Variants in LUZP2 observed in about 807,000 individuals in gnomAD.
LUZP2 encodes leucine zipper protein 2.
A neutral mutation model predicts 51.6 loss-of-function variants in LUZP2; 52 were observed. The observed-to-expected ratio is 1.01, with a 90% CI of 0.81 to 1.27. The LOEUF (loss-of-function observed/expected upper bound fraction) is 1.27. LUZP2 is among the 50% of genes most tolerant of loss of function. LUZP2 has a pLI of 0.00. For missense variants in LUZP2, 436 were observed against 395.4 expected (o/e 1.10, Z -0.87); for synonymous variants, 154 against 137.3 (o/e 1.12, Z -0.85).
intron 1 of LUZP2, among the ~76,000 whole-genome samples, chr11:24,562,390 A>G (rs1273863042): frequency 6.6e-6 from 1 of 151,994 alleles, no homozygotes; most frequent in Non-Finnish European, 1.5e-5. Context: ...CTTGTTTGAT[A>G]AGAAAGGCAC....
chr11:24,911,891 G>A (rs1428854646), intron 6 of LUZP2, among the ~76,000 whole-genome samples: 1 of 152,106 alleles, frequency 6.6e-6, no homozygotes. Flanking sequence ...TGGCAACTAG[G>A]TAGACTCAAT....
At chr11:24,627,515 A>C (rs2133919104) in intron 1 of LUZP2, among the ~76,000 whole-genome samples, 1 of 152,318 alleles carries the variant, frequency 6.6e-6, no homozygotes, top group Middle Eastern at 3.4e-3. Flanking sequence ...AACTATTATA[A>C]CCGACTTTCT....
At chr11:24,905,573 C>G (rs559306880) in intron 5 of LUZP2, among the ~76,000 whole-genome samples, 1 of 152,186 alleles carries the variant, frequency 6.6e-6, no homozygotes, top group South Asian at 2.1e-4. Context: ...AAACTGCGCT[C>G]TAGACCAAAT....
chr11:25,050,143 T>C lies in LUZP2; in HGVS notation c.858+13T>C. Reference sequence around the variant, plus strand: ...TGACTCTCAAGATGTAAGAAAAACTTAAGATGCTTTTTACAGTATTAGACA... The same window carrying C: ...TGACTCTCAAGATGTAAGAAAAACTCAAGATGCTTTTTACAGTATTAGACA... On this transcript the variant is annotated intron_variant, in intron 10 of 11. Coordinates refer to ENST00000336930, the MANE Select transcript of LUZP2 (RefSeq NM_001009909.4). The C allele has an allele frequency of 6.5e-7, 1 of 1,539,860 alleles. No homozygotes were observed. The highest frequency in any genetic ancestry group is 8.9e-7 in the Non-Finnish European group (1 of 1,125,682).
At chr11:24,604,338 T>C (rs756911476) in intron 1 of LUZP2, among the ~76,000 whole-genome samples, 2 of 151,884 alleles carry the variant, frequency 1.3e-5, no homozygotes, top group Non-Finnish European at 2.9e-5. Flanking sequence ...AGATATAATA[T>C]GATCCAAGTT....
chr11:24,857,291 A>C (rs1353805971), intron 5 of LUZP2, among the ~76,000 whole-genome samples: 1 of 41,202 alleles, frequency 2.4e-5, no homozygotes, highest in Non-Finnish European at 4.4e-5. Context: ...ATATATATAC[A>C]TATATATATA....
intron 1 of LUZP2, among the ~76,000 whole-genome samples, chr11:24,723,314 T>C (rs1858347336): frequency 6.6e-6 from 1 of 152,204 alleles, no homozygotes; most frequent in Admixed American, 6.5e-5. Context: ...TTGGCTGTTA[T>C]TTGCTAAAGT....
chr11:24,797,223 A>G (rs1849571624), intron 5 of LUZP2, among the ~76,000 whole-genome samples: 1 of 152,194 alleles, frequency 6.6e-6, no homozygotes, highest in Admixed American at 6.5e-5. Context: ...GTCATAATGA[A>G]GCATTCTGAA....
intron 1 of LUZP2, among the ~76,000 whole-genome samples, chr11:24,707,790 C>T (rs1857648526): frequency 6.6e-6 from 1 of 152,158 alleles, no homozygotes; most frequent in South Asian, 2.1e-4. Flanking sequence ...AAAGAAATAG[C>T]ACTCGAATAT....
chr11:24,652,567 A>G (rs1222278278), intron 1 of LUZP2, among the ~76,000 whole-genome samples: 1 of 152,278 alleles, frequency 6.6e-6, no homozygotes, highest in East Asian at 1.9e-4. Context: ...TGCAAAGTGA[A>G]AGACAAATGA....
At chr11:24,928,304 G>A (rs34730248) in intron 7 of LUZP2, among the ~76,000 whole-genome samples, 27 of 152,094 alleles carry the variant, frequency 1.8e-4, no homozygotes, top group Admixed American at 3.9e-4. Flanking sequence ...AGACACCCTC[G>A]TTTTGTTCCA....
chr11:24,752,739 A>G (rs984280200), intron 4 of LUZP2, among the ~76,000 whole-genome samples: 3 of 152,176 alleles, frequency 2.0e-5, no homozygotes, highest in African/African-American at 7.2e-5. Flanking sequence ...ATAAGATGGA[A>G]AAAATTAAAT....
At chr11:25,078,533 C>T (rs757071379) in intron 11 of LUZP2, 21 bp from the exon 12 acceptor site, 44 of 1,568,642 alleles carry the variant, frequency 2.8e-5, no homozygotes, top group Non-Finnish European at 3.4e-5. Context: ...TTCGAATTGT[C>T]TTTTCTGTAT....
At chr11:24,857,328 CACAT>C (rs1216956605) in intron 5 of LUZP2, among the ~76,000 whole-genome samples, 13 of 106,340 alleles carry the variant, frequency 1.2e-4, no homozygotes, top group African/African-American at 3.1e-4. Flanking sequence ...CACACACACA[CACAT>C]ATATATATAA....
chr11:24,879,709 A>G (rs1280842615), intron 5 of LUZP2, among the ~76,000 whole-genome samples: 3 of 152,166 alleles, frequency 2.0e-5, no homozygotes, highest in Non-Finnish European at 4.4e-5. Context: ...TTGGCCATTA[A>G]TATGTTTTCT....
chr11:24,566,221 TA>T (rs1329417228), intron 1 of LUZP2, among the ~76,000 whole-genome samples: 1 of 151,510 alleles, frequency 6.6e-6, no homozygotes, highest in East Asian at 1.9e-4. Context: ...GTAACTGTAT[TA>T]AAAAATTAAA....
At chr11:24,706,021 A>G (rs915350790) in intron 1 of LUZP2, among the ~76,000 whole-genome samples, 3 of 152,102 alleles carry the variant, frequency 2.0e-5, no homozygotes, top group Middle Eastern at 3.4e-3. Context: ...TGTAACGCCC[A>G]GGGTGAGACT....
intron 7 of LUZP2, among the ~76,000 whole-genome samples, chr11:24,947,483 G>A (rs1359053895): frequency 6.6e-6 from 1 of 151,912 alleles, no homozygotes; most frequent in Non-Finnish European, 1.5e-5. Context: ...TGTTGTTCAA[G>A]TGTTAACTAT....
At chr11:24,746,341 G>T (rs1252825429) in intron 4 of LUZP2, among the ~76,000 whole-genome samples, 3 of 152,110 alleles carry the variant, frequency 2.0e-5, no homozygotes, top group Non-Finnish European at 2.9e-5. Context: ...AAAATTCTTA[G>T]CTGGTAATTG....
Sources: allele counts gnomAD v4.1 joint callset (sites outside exome capture counted in the v4.1 genomes callset), GRCh38; gene constraint gnomAD v4.1.1; transcripts MANE v1.5; gene names NCBI Gene and HGNC (gene_info 2026-07-23, HGNC 2026-07-21).